Variants in ARHGAP29 observed in about 807,000 individuals in gnomAD.
ARHGAP29 encodes rho GTPase-activating protein 29.
ARHGAP29 carries 43 observed loss-of-function variants against 122.6 expected under a neutral mutation model. The observed-to-expected ratio is 0.35, with a 90% CI of 0.27 to 0.45. The LOEUF is 0.45. Ranked by LOEUF, ARHGAP29 falls within the 20% of genes least tolerant of loss-of-function variation. The probability of loss-of-function intolerance (pLI) is 1.00; values close to 1 mark genes in which losing one functional copy is unlikely to be tolerated. For synonymous variants in ARHGAP29, 506 were observed against 497.1 expected (o/e 1.02, Z -0.24); for missense variants, 1,303 against 1,477.2 (o/e 0.88, Z 1.93).
At chr1:94,196,497 G>A (rs936371526) in intron 12 of ARHGAP29, among the ~76,000 whole-genome samples, 3 of 151,670 alleles carry the variant, frequency 2.0e-5, no homozygotes, top group African/African-American at 2.4e-5. Flanking sequence ...TCCTGACCTC[G>A]TGATCCGCCC....
At chr1:94,221,294 A>T (rs186567245) in intron 2 of ARHGAP29, among the ~76,000 whole-genome samples, 16 of 152,298 alleles carry the variant, frequency 1.1e-4, no homozygotes, top group Admixed American at 6.5e-4. Flanking sequence ...AAGTCTGACA[A>T]GACAACCATT....
the ARHGAP29 span, among the ~76,000 whole-genome samples, chr1:94,305,521 T>C: frequency 2.0e-5 from 3 of 152,278 alleles, no homozygotes; most frequent in Admixed American, 6.5e-5. Context: ...GAGCCATAGA[T>C]AACTATTAGG....
chr1:94,174,465 T>C lies in ARHGAP29; in HGVS notation c.3190A>G (p.Thr1064Ala), dbSNP rs758203668. The part of the protein sequence containing the change: ...EGVNRKDAAT[T>A]VCSKFNGFDQ... ...AAGCCATTAAATTTGGAACAAACAG[T>C]AGTAGCAGCGTCTTTTCTATTAACT... Residue 1064 changes from threonine (T) to alanine (A), a missense_variant, in exon 23 of 23, where the codon ACT becomes GCT. By Grantham distance (58) the Thr-to-Ala change is moderately conservative (BLOSUM62 0). Transcript: ENST00000260526. 6.2e-7 allele frequency: 1 copy of C among 1,614,212 alleles called. No individual in the cohort carries two copies.
At chr1:94,175,410 A>T (rs1334427647) in intron 22 of ARHGAP29, among the ~76,000 whole-genome samples, 1 of 152,148 alleles carries the variant, frequency 6.6e-6, no homozygotes, top group African/African-American at 2.4e-5. Context: ...TATCCTAAAA[A>T]ATTCCAATTC....
intron 12 of ARHGAP29, 105 bp downstream of exon 12, chr1:94,201,615 C>T (rs765988842): frequency 3.2e-5 from 45 of 1,406,882 alleles, no homozygotes; most frequent in Admixed American, 4.4e-5. Context: ...TCAAGTGATC[C>T]TCCCACCTCA....
chr1:94,186,932 T>C (rs994321471), intron 15 of ARHGAP29, among the ~76,000 whole-genome samples: 2 of 152,198 alleles, frequency 1.3e-5, no homozygotes, highest in Non-Finnish European at 2.9e-5. Flanking sequence ...ATACCTAATA[T>C]GTGACAGAGT....
At chr1:94,208,437 T>C (rs1029820210) in intron 5 of ARHGAP29, among the ~76,000 whole-genome samples, 2 of 152,090 alleles carry the variant, frequency 1.3e-5, no homozygotes, top group African/African-American at 2.4e-5. Flanking sequence ...ATACATTCCT[T>C]ATATTCTGTT....
At chr1:94,179,990 T>C in intron 19 of ARHGAP29, 33 bp from the exon 20 acceptor site, 1 of 1,442,028 alleles carries the variant, frequency 6.9e-7, no homozygotes, top group Non-Finnish European at 9.4e-7. Context: ...GGGTAAGCAT[T>C]CTATTTTTTT....
Position 94,189,121 on chromosome 1 carries a change from G to A in ARHGAP29, c.1576+95C>T. The A allele has an allele frequency of 2.7e-6, 4 of 1,477,264 alleles. No individual in the cohort carries two copies. The East Asian group carries it at 6.8e-5, about 25-fold the overall frequency. The allele number at this position is 1,477,264 out of a possible 1,614,324, so 91.5% of individuals were successfully genotyped here. A position where few individuals can be genotyped will look rare whatever the true frequency, so the allele number is the denominator to read the frequency against. ...CTCATAAACTTACAAACTAAGGCCT[G>A]ATTTTTAAATTCCAGAGCACCAATT... is the stretch of plus-strand genomic sequence containing the variant. On this transcript the variant is annotated intron_variant, in intron 14 of 22. Coordinates refer to ENST00000260526, the MANE Select transcript of ARHGAP29 (RefSeq NM_004815.4).
the ARHGAP29 span, among the ~76,000 whole-genome samples, chr1:94,287,474 G>A: frequency 1.3e-5 from 2 of 151,992 alleles, no homozygotes; most frequent in African/African-American, 4.8e-5. Context: ...ATCTGGAACT[G>A]TGAGTCAATT....
chr1:94,313,997 G>T, the ARHGAP29 span, among the ~76,000 whole-genome samples: 1 of 152,122 alleles, frequency 6.6e-6, no homozygotes, highest in African/African-American at 2.4e-5. Context: ...CTTGGGGAGG[G>T]ATAGCATTAT....
chr1:94,268,382 C>A (rs1654856472), intron 1 of ARHGAP29, among the ~76,000 whole-genome samples: 1 of 152,094 alleles, frequency 6.6e-6, no homozygotes, highest in Non-Finnish European at 1.5e-5. Flanking sequence ...AACTTTCACC[C>A]TCCCCTACTC....
At chr1:94,188,636 G>A (rs575644412) in intron 15 of ARHGAP29, among the ~76,000 whole-genome samples, 51 of 152,164 alleles carry the variant, frequency 3.4e-4, no homozygotes, top group African/African-American at 9.9e-4. Flanking sequence ...TACACAGGGC[G>A]CTTCTAATAT....
At chr1:94,210,184 A>T (rs1651495966) in intron 3 of ARHGAP29, among the ~76,000 whole-genome samples, 1 of 152,200 alleles carries the variant, frequency 6.6e-6, no homozygotes, top group Non-Finnish European at 1.5e-5. Context: ...GGGTATAAAG[A>T]GTAACTGGTT....
At chr1:94,214,338 G>C (rs1462527001) in intron 3 of ARHGAP29, among the ~76,000 whole-genome samples, 1 of 152,020 alleles carries the variant, frequency 6.6e-6, no homozygotes, top group Non-Finnish European at 1.5e-5. Flanking sequence ...CTCTCATCTT[G>C]GCTTTCTTTA....
intron 3 of ARHGAP29, 67 bp downstream of exon 3, chr1:94,220,191 T>C (rs1052426222): frequency 1.9e-6 from 3 of 1,575,596 alleles, no homozygotes; most frequent in Non-Finnish European, 1.7e-6. Context: ...ATATTCACTA[T>C]AGACCAAAAT....
At chr1:94,204,239 A>G (rs1016475168) in intron 7 of ARHGAP29, among the ~76,000 whole-genome samples, 3 of 151,464 alleles carry the variant, frequency 2.0e-5, no homozygotes, top group African/African-American at 7.3e-5. Context: ...GGCTCAAGTG[A>G]TCTTCCAGCC....
chr1:94,231,282 A>G lies in ARHGAP29; in HGVS notation c.205+125T>C. 5 of 740,964 alleles carry G rather than the reference A, an allele frequency of 6.7e-6. No homozygotes were observed. The Admixed American group carries it at 1.1e-4, about 17-fold the overall frequency. 45.9% of individuals were successfully genotyped at this position (740,964 alleles called of 1,614,324 possible). On this transcript the variant is annotated intron_variant, in intron 2 of 22. Coordinates refer to ENST00000260526, the MANE Select transcript of ARHGAP29 (RefSeq NM_004815.4). ...CTGTAACCATCAAAGATTTGGGGAA[A>G]AAAGCACTAAAATAACTAAAGCAGA...
chr1:94,267,119 G>A (rs1570625653), intron 1 of ARHGAP29, among the ~76,000 whole-genome samples: 1 of 152,288 alleles, frequency 6.6e-6, no homozygotes, highest in Non-Finnish European at 1.5e-5. Flanking sequence ...CTTAGAAATA[G>A]GACAGTTGCC....
Sources: allele counts gnomAD v4.1 joint callset (sites outside exome capture counted in the v4.1 genomes callset), GRCh38; gene constraint gnomAD v4.1.1; transcripts MANE v1.5; gene names NCBI Gene and HGNC (gene_info 2026-07-23, HGNC 2026-07-21).